Variants in SEMA3C observed in about 807,000 individuals in gnomAD.
The protein encoded by SEMA3C is semaphorin-3C.
In SEMA3C, 47 loss-of-function variants were observed where a neutral mutation model predicts 89.4. That is an observed-to-expected ratio of 0.53 (90% CI 0.42 to 0.67). The LOEUF (loss-of-function observed/expected upper bound fraction) is 0.67. Ranked by LOEUF, SEMA3C falls within the 30% of genes least tolerant of loss-of-function variation. SEMA3C has a pLI of 0.00. For missense variants in SEMA3C, 839 were observed against 929.1 expected (o/e 0.90, Z 1.26); for synonymous variants, 310 against 320.2 (o/e 0.97, Z 0.34).
intron 14 of SEMA3C, among the ~76,000 whole-genome samples, chr7:80,759,434 TC>T (rs1463789841): frequency 1.3e-5 from 2 of 152,170 alleles, no homozygotes; most frequent in Admixed American, 6.5e-5. Flanking sequence ...GAACCAGACT[TC>T]CTAGATTCAA....
chr7:80,744,997 T>C lies in SEMA3C; in HGVS notation c.2153A>G (p.Gln718Arg). 1.2e-6 allele frequency: 2 copies of C among 1,614,122 alleles called. No homozygotes were observed. Among genetic ancestry groups the C allele is most frequent in the Non-Finnish European group, 1.7e-6 (2 of 1,179,980 alleles). ...YCKDTRQQHQ[Q>R]GDESQKMRGD... ...TCTCATTTTCTGTGATTCATCTCCC[T>C]GCTGATGTTGCTGCCGAGTGTCTTT... Residue 718 changes from glutamine (Q) to arginine (R), a missense_variant, in exon 18 of 18, where the codon CAG becomes CGG. Physicochemically the swap from Gln to Arg is conservative, Grantham distance 43 (BLOSUM62 1). Transcript: ENST00000265361.
chr7:80,839,233 AG>A (rs1351883898), intron 2 of SEMA3C, among the ~76,000 whole-genome samples: 2 of 152,182 alleles, frequency 1.3e-5, no homozygotes, highest in Non-Finnish European at 2.9e-5. Context: ...TCATACTTCT[AG>A]GAAGGCCTCA....
At chr7:80,847,486 A>G (rs1790416711) in intron 2 of SEMA3C, 1 of 152,144 alleles carries the variant, frequency 6.6e-6, no homozygotes, top group Non-Finnish European at 1.5e-5. Context: ...ATACACTATC[A>G]TTTTCCACAT....
intron 11 of SEMA3C, among the ~76,000 whole-genome samples, chr7:80,797,841 C>T (rs1010751665): frequency 1.3e-5 from 2 of 151,892 alleles, no homozygotes; most frequent in Non-Finnish European, 1.5e-5. Context: ...CTACTAAAAA[C>T]ACAAAAATTA....
chr7:80,816,541 G>A (rs949830455), intron 5 of SEMA3C, among the ~76,000 whole-genome samples: 10 of 152,096 alleles, frequency 6.6e-5, no homozygotes, highest in African/African-American at 2.4e-4. Context: ...CAAATCCATT[G>A]TAAGATTGAT....
chr7:80,875,101 C>CA (rs5885201), intron 2 of SEMA3C, among the ~76,000 whole-genome samples: 73,805 of 143,924 alleles, frequency 0.51, 21,477 homozygotes, highest in South Asian at 0.69. Context: ...AAAACAAAAC[C>CA]AAAAAAAAAA....
At chr7:80,828,800 T>C (rs1789942223) in intron 2 of SEMA3C, 55 bp from the exon 3 acceptor site, 3 of 1,293,432 alleles carry the variant, frequency 2.3e-6, no homozygotes, top group Admixed American at 4.6e-5. Flanking sequence ...TATAATTCTA[T>C]TATTTTAATA....
intron 4 of SEMA3C, 74 bp from the exon 5 acceptor site, chr7:80,818,492 G>A (rs1457073144): frequency 9.9e-6 from 15 of 1,507,588 alleles, no homozygotes; most frequent in Non-Finnish European, 1.3e-5. Flanking sequence ...ATGTTAACCT[G>A]AGATCTTGTA....
chr7:80,910,399 T>C (rs180972738), intron 2 of SEMA3C, among the ~76,000 whole-genome samples: 3 of 152,338 alleles, frequency 2.0e-5, no homozygotes, highest in Admixed American at 2.0e-4. Context: ...TGCCATCTTT[T>C]ACAGCTCAGC....
intron 6 of SEMA3C, among the ~76,000 whole-genome samples, chr7:80,810,364 C>A (rs974795411): frequency 6.6e-6 from 1 of 152,042 alleles, no homozygotes; most frequent in Non-Finnish European, 1.5e-5. Flanking sequence ...TACATATACA[C>A]ACTTATAAAA....
chr7:80,908,961 C>A (rs1246908371), intron 2 of SEMA3C, among the ~76,000 whole-genome samples: 2 of 151,984 alleles, frequency 1.3e-5, no homozygotes, highest in Non-Finnish European at 2.9e-5. Flanking sequence ...ACCAGGAATA[C>A]AACAGCTTTT....
At position 80,918,921 on chromosome 7, in the gene SEMA3C, TTTCTAG is replaced by T. The variant is rs1287186316; in HGVS notation, c.-138_-133del. 1.0e-6 allele frequency: 1 copy of T among 985,424 alleles called. No individual in the cohort carries two copies. Among genetic ancestry groups the T allele is most frequent in the African/African-American group, 1.7e-5 (1 of 57,360 alleles). 61.0% of individuals were successfully genotyped at this position (985,424 alleles called of 1,614,324 possible). On this transcript the variant is annotated 5_prime_UTR_variant, in exon 1 of 18. Transcript: ENST00000265361. ...CAGTCCTTTTCCCAGACGACCTTAT[TTTCTAG>T]CACGTCGCAAAGGTGAAATTCTTTC...
chr7:80,903,044 C>CT (rs1419965854), intron 2 of SEMA3C, among the ~76,000 whole-genome samples: 2 of 152,210 alleles, frequency 1.3e-5, no homozygotes. Flanking sequence ...TCTGCTCTAC[C>CT]TCTGCCCATC....
At chr7:80,772,518 TG>T (rs1209920181) in intron 12 of SEMA3C, among the ~76,000 whole-genome samples, 1 of 152,178 alleles carries the variant, frequency 6.6e-6, no homozygotes, top group Non-Finnish European at 1.5e-5. Context: ...GCCTCAGCCC[TG>T]GGGGTATTAG....
chr7:80,756,638 T>G (rs1247550065), intron 15 of SEMA3C, among the ~76,000 whole-genome samples: 1 of 152,196 alleles, frequency 6.6e-6, no homozygotes, highest in African/African-American at 2.4e-5. Context: ...TATCGTTCCT[T>G]TTCTCATTTC....
intron 16 of SEMA3C, among the ~76,000 whole-genome samples, chr7:80,750,473 T>TATATATATATACAC (rs869227686): frequency 1.4e-4 from 8 of 55,456 alleles, no homozygotes; most frequent in East Asian, 9.3e-4. Flanking sequence ...TATATATATA[T>TATATATATATACAC]ACACACACAC....
At chr7:80,837,014 GAAC>G (rs770504104) in intron 2 of SEMA3C, among the ~76,000 whole-genome samples, 11 of 152,078 alleles carry the variant, frequency 7.2e-5, no homozygotes, top group Non-Finnish European at 1.3e-4. Flanking sequence ...TTCCCATTTA[GAAC>G]AAAAAGTGGA....
At position 80,770,971 on chromosome 7, in the gene SEMA3C, C is replaced by A. The variant is rs932764573; in HGVS notation, c.1355-5728G>T. Among the ~76,000 whole-genome samples the A allele has an allele frequency of 4.6e-5, 7 of 152,324 alleles. 1 individual carries two copies. The South Asian group carries it at 1.4e-3, about 32-fold the overall frequency. ...AGGTTGTGAAGTAAGTTCCTGACCA[C>A]ATCATCTTAGCACAAATTCAGCTAT... On this transcript the variant is annotated intron_variant, in intron 12 of 17. Transcript: ENST00000265361.
intron 15 of SEMA3C, among the ~76,000 whole-genome samples, chr7:80,753,063 T>C (rs1028579645): frequency 6.6e-6 from 1 of 152,176 alleles, no homozygotes; most frequent in Non-Finnish European, 1.5e-5. Flanking sequence ...AAAACACTAC[T>C]TCATGTACAC....
Sources: allele counts gnomAD v4.1 joint callset (sites outside exome capture counted in the v4.1 genomes callset), GRCh38; gene constraint gnomAD v4.1.1; transcripts MANE v1.5; gene names NCBI Gene and HGNC (gene_info 2026-07-23, HGNC 2026-07-21).